SCMH1: variants seen among roughly 807,000 people sequenced by gnomAD.
The protein encoded by SCMH1 is polycomb protein SCMH1.
Under a neutral mutation model 70.8 loss-of-function variants are expected in SCMH1, and 37 were observed. The ratio of observed to expected loss-of-function variants is 0.52; its 90% CI spans 0.40 to 0.69. SCMH1 has a LOEUF of 0.69. SCMH1 is among the 30% of genes least tolerant of loss of function. The pLI is 0.00. For missense variants in SCMH1, 607 were observed against 827.3 expected (o/e 0.73, Z 3.27); for synonymous variants, 292 against 307.4 (o/e 0.95, Z 0.52).
chr1:41,200,934 T>G (rs1329734248), intron 1 of SCMH1, among the ~76,000 whole-genome samples: 1 of 152,124 alleles, frequency 6.6e-6, no homozygotes, highest in African/African-American at 2.4e-5. Context: ...TTACCATTTT[T>G]TTTTTATCAG....
chr1:41,053,930 C>T (rs554920791), intron 10 of SCMH1, among the ~76,000 whole-genome samples: 5 of 152,060 alleles, frequency 3.3e-5, no homozygotes, highest in Admixed American at 6.5e-5. Flanking sequence ...CTGCAAGCTC[C>T]GCCTCCCGGG....
chr1:41,116,218 T>A (rs796896919), intron 7 of SCMH1, among the ~76,000 whole-genome samples: 4 of 152,346 alleles, frequency 2.6e-5, no homozygotes, highest in African/African-American at 9.6e-5. Flanking sequence ...CTGAGTTACA[T>A]AAGTGCTAGG....
In SCMH1 at chr1:41,167,907, G is replaced by GTTT. The variant is rs202043541; in HGVS notation, c.14-6478_14-6476dup. ...GGGTATAGTATGCTTTGCTGGCAGT[G>GTTT]TTTTGTTTTTTTTTTTTTTTTCCTT... On this transcript the variant is annotated intron_variant, in intron 2 of 14. Coordinates refer to ENST00000337495, the Ensembl canonical transcript of SCMH1. Among the ~76,000 whole-genome samples the GTTT allele has an allele frequency of 6.0e-5, 3 of 49,700 alleles. 1 individual carries two copies. The highest frequency in any genetic ancestry group is 8.4e-5 in the African/African-American group (1 of 11,844). The allele number at this position is 49,700 out of a possible 152,430, so 32.6% of individuals were successfully genotyped here. A position where few individuals can be genotyped will look rare whatever the true frequency, so the allele number is the denominator to read the frequency against.
chr1:41,041,810 G>A (rs915574677), intron 12 of SCMH1, among the ~76,000 whole-genome samples: 1 of 152,114 alleles, frequency 6.6e-6, no homozygotes, highest in African/African-American at 2.4e-5. Flanking sequence ...AGTGTCATGG[G>A]CAATGAACCA....
chr1:41,046,420 G>T, exon 12 of SCMH1: 1 of 1,614,114 alleles, frequency 6.2e-7, no homozygotes, highest in Non-Finnish European at 8.5e-7. Flanking sequence ...GTAGGTACCT[G>T]TCGTGGCTGT....
intron 8 of SCMH1, among the ~76,000 whole-genome samples, chr1:41,089,262 C>T (rs2149007066): frequency 6.6e-6 from 1 of 152,318 alleles, no homozygotes; most frequent in South Asian, 2.1e-4. Flanking sequence ...ATTAGACATT[C>T]TAAGCATAGT....
chr1:41,057,260 T>G (rs115276931), intron 10 of SCMH1, among the ~76,000 whole-genome samples: 3,861 of 152,220 alleles, frequency 0.025, 80 homozygotes, highest in South Asian at 0.1. Flanking sequence ...TGTTGTTGTT[T>G]TTTTGTTTGT....
intron 2 of SCMH1, among the ~76,000 whole-genome samples, chr1:41,167,382 T>G (rs1486191491): frequency 6.6e-6 from 1 of 152,150 alleles, no homozygotes; most frequent in African/African-American, 2.4e-5. Context: ...GCTGGCCTCA[T>G]AAAATAAATT....
At chr1:41,136,163 C>G (rs1169478696) in intron 6 of SCMH1, among the ~76,000 whole-genome samples, 1 of 151,996 alleles carries the variant, frequency 6.6e-6, no homozygotes, top group African/African-American at 2.4e-5. Flanking sequence ...CCAGGCTGGT[C>G]TCAAACTTCT....
At chr1:41,170,103 A>G (rs1405650045) in intron 2 of SCMH1, among the ~76,000 whole-genome samples, 2 of 152,228 alleles carry the variant, frequency 1.3e-5, no homozygotes, top group South Asian at 4.1e-4. Context: ...CCTTCTATGT[A>G]TTGCTCCTGG....
At chr1:41,135,608 A>G (rs1478992486) in intron 6 of SCMH1, among the ~76,000 whole-genome samples, 1 of 152,096 alleles carries the variant, frequency 6.6e-6, no homozygotes, top group Non-Finnish European at 1.5e-5. Flanking sequence ...TCCCTTTATA[A>G]TTACCCAGTC....
chr1:41,159,946 C>T, intron 4 of SCMH1: 1 of 625,950 alleles, frequency 1.6e-6, no homozygotes, highest in African/African-American at 1.9e-5. Context: ...GTGAAGTAGG[C>T]AGAATGGGAT....
At position 41,234,453 on chromosome 1, in the gene SCMH1, C is replaced by CTTT. The variant is rs66686109; in HGVS notation, c.-118+7603_-118+7605dup. ...GCTGGGCAACGGAGCAACTCTGCCTCTTTTTTTTTTTTTTTTTTTTTTTTT... is the reference window on the plus strand; with the variant it reads ...GCTGGGCAACGGAGCAACTCTGCCTCTTTTTTTTTTTTTTTTTTTTTTTTTTTT... On this transcript the variant is annotated intron_variant, in intron 1 of 14. Transcript: ENST00000337495. 1.6e-4 allele frequency among the ~76,000 whole-genome samples: 8 copies of CTTT among 49,420 alleles called. 1 individual carries two copies. Among genetic ancestry groups the CTTT allele is most frequent in the African/African-American group, 6.2e-4 (7 of 11,208 alleles). The allele number at this position is 49,420 out of a possible 152,430, so 32.4% of individuals were successfully genotyped here.
chr1:41,236,965 T>C (rs1409401152), intron 1 of SCMH1, among the ~76,000 whole-genome samples: 4 of 152,228 alleles, frequency 2.6e-5, no homozygotes, highest in Non-Finnish European at 4.4e-5. Context: ...ACTAAGGTCT[T>C]GGAATGCTGT....
At chr1:41,096,578 G>C (rs1665133481) in intron 8 of SCMH1, among the ~76,000 whole-genome samples, 2 of 152,134 alleles carry the variant, frequency 1.3e-5, no homozygotes, top group Admixed American at 6.6e-5. Flanking sequence ...CTACGTGGGA[G>C]GTGAAGAGCA....
intron 5 of SCMH1, among the ~76,000 whole-genome samples, chr1:41,150,331 T>C (rs1644955716): frequency 6.6e-6 from 1 of 152,008 alleles, no homozygotes; most frequent in African/African-American, 2.4e-5. Flanking sequence ...AATGAGACCC[T>C]GTCTCTACTA....
rs771082416 is a variant in SCMH1, at chr1:41,196,009, C to T, written c.-117-9759G>A. Among the ~76,000 whole-genome samples, 8 of 151,860 alleles carry T rather than the reference C, an allele frequency of 5.3e-5. No individual in the cohort carries two copies. The East Asian group carries it at 5.8e-4, about 11-fold the overall frequency. On this transcript the variant is annotated intron_variant, in intron 1 of 14. Coordinates refer to ENST00000337495, the Ensembl canonical transcript of SCMH1. ...TATTTAGGAATAAATTTAACTAACACGGCTAAAGACTTGTACACTGAAAAC... is the reference window on the plus strand; with the variant it reads ...TATTTAGGAATAAATTTAACTAACATGGCTAAAGACTTGTACACTGAAAAC...
chr1:41,160,082 A>G (rs1195457407), intron 4 of SCMH1: 2 of 220,164 alleles, frequency 9.1e-6, no homozygotes, highest in Non-Finnish European at 1.8e-5. Context: ...ACTTCATGTT[A>G]TCTTCTGTGT....
At chr1:41,193,181 G>A (rs1426875054) in intron 1 of SCMH1, among the ~76,000 whole-genome samples, 6 of 152,086 alleles carry the variant, frequency 3.9e-5, no homozygotes, top group East Asian at 1.9e-4. Context: ...ACACTATATC[G>A]TTTTACATAT....
Sources: gnomAD v4.1 joint callset for allele counts (sites outside exome capture counted in the v4.1 genomes callset) on GRCh38, gnomAD v4.1.1 for gene constraint, MANE v1.5 for transcripts, NCBI Gene and HGNC (gene_info 2026-07-23, HGNC 2026-07-21) for gene names.